Variants in RBFOX1 observed in about 807,000 individuals in gnomAD.
RBFOX1 encodes RNA binding fox-1 homolog 1, also known as RNA binding protein fox-1 homolog 1.
In RBFOX1, 8 loss-of-function variants were observed where a neutral mutation model predicts 57.7. The ratio of observed to expected loss-of-function variants is 0.14; its 90% CI spans 0.08 to 0.25. The LOEUF (loss-of-function observed/expected upper bound fraction) is 0.25. Ranked by LOEUF, RBFOX1 falls within the 10% of genes least tolerant of loss-of-function variation. The probability of loss-of-function intolerance (pLI) is 1.00; values close to 1 mark genes in which losing one functional copy is unlikely to be tolerated. For synonymous variants in RBFOX1, 326 were observed against 222.4 expected (o/e 1.47, Z -4.15); for missense variants, 611 against 548.5 (o/e 1.11, Z -1.14).
chr16:7,488,453 A>T (rs1206926276), intron 4 of RBFOX1, among the ~76,000 whole-genome samples: 7 of 151,664 alleles, frequency 4.6e-5, no homozygotes, highest in Non-Finnish European at 1.0e-4. Flanking sequence ...TTGTTTGTCT[A>T]TCATTCTATC....
intron 4 of RBFOX1, among the ~76,000 whole-genome samples, chr16:7,114,326 G>C (rs2065421480): frequency 6.6e-6 from 1 of 152,154 alleles, no homozygotes; most frequent in African/African-American, 2.4e-5. Context: ...TACCTGGGTA[G>C]CTGCCATTTT....
intron 12 of RBFOX1, among the ~76,000 whole-genome samples, chr16:7,658,202 C>T (rs1050359449): frequency 1.3e-5 from 2 of 152,120 alleles, no homozygotes; most frequent in African/African-American, 4.8e-5. Flanking sequence ...TTCTCAACAT[C>T]CCCCTTTTGC....
At chr16:5,914,395 T>C (rs2058665277) in intron 4 of RBFOX1, among the ~76,000 whole-genome samples, 1 of 152,212 alleles carries the variant, frequency 6.6e-6, no homozygotes, top group Non-Finnish European at 1.5e-5. Flanking sequence ...CAGCCAGGGC[T>C]GCAGTCTCAT....
At chr16:6,472,561 A>G (rs1235204175) in intron 2 of RBFOX1, among the ~76,000 whole-genome samples, 3 of 151,764 alleles carry the variant, frequency 2.0e-5, no homozygotes, top group Non-Finnish European at 2.9e-5. Flanking sequence ...GTGAGTCATC[A>G]TCTCTCTGAT....
chr16:7,065,024 A>T (rs550670922), intron 4 of RBFOX1, among the ~76,000 whole-genome samples: 16 of 152,222 alleles, frequency 1.1e-4, no homozygotes, highest in African/African-American at 3.6e-4. Context: ...GCAATCCTCT[A>T]TTGTTCGATA....
In RBFOX1 at chr16:6,139,999, A is replaced by T. The variant is rs575549917; in HGVS notation, c.-127+120007A>T. Among the ~76,000 whole-genome samples the T allele has an allele frequency of 2.0e-4, 30 of 152,304 alleles. 1 individual carries two copies. The highest frequency in any genetic ancestry group is 1.8e-3 in the Admixed American group (27 of 15,298). ...CTCTCAAGATTCAGCTGGAAAAAAT[A>T]CGGAATATTGTGTTAATTTGTCTTA... On this transcript the variant is annotated intron_variant, in intron 1 of 15. Transcript: ENST00000550418.
chr16:5,300,746 G>T (rs756511182), intron 1 of RBFOX1, among the ~76,000 whole-genome samples: 16 of 152,106 alleles, frequency 1.1e-4, no homozygotes, highest in Admixed American at 1.0e-3. Flanking sequence ...GTGGTACTTT[G>T]TTCCTTTCAT....
intron 3 of RBFOX1, among the ~76,000 whole-genome samples, chr16:6,818,665 T>G (rs2090651667): frequency 6.6e-6 from 1 of 152,208 alleles, no homozygotes; most frequent in Admixed American, 6.5e-5. Context: ...TCCCCCCTTC[T>G]TCTGGTAAAG....
chr16:5,801,284 A>G (rs2055046225), intron 3 of RBFOX1, among the ~76,000 whole-genome samples: 1 of 151,934 alleles, frequency 6.6e-6, no homozygotes, highest in East Asian at 1.9e-4. Flanking sequence ...TACATTAAGC[A>G]CTTTCAAATT....
chr16:5,377,110 T>C (rs2066005616), intron 1 of RBFOX1, among the ~76,000 whole-genome samples: 1 of 151,634 alleles, frequency 6.6e-6, no homozygotes, highest in Admixed American at 6.5e-5. Context: ...AGTCATTGGC[T>C]TAGTCATGCA....
intron 6 of RBFOX1, among the ~76,000 whole-genome samples, chr16:7,584,892 A>G (rs549669064): frequency 5.1e-4 from 77 of 152,292 alleles, no homozygotes; most frequent in African/African-American, 1.8e-3. Context: ...CTGCCACAGA[A>G]GCAAACTTTG....
intron 14 of RBFOX1, among the ~76,000 whole-genome samples, chr16:7,694,116 A>G (rs111405632): frequency 5.4e-4 from 83 of 152,308 alleles, no homozygotes; most frequent in African/African-American, 1.9e-3. Context: ...CCTTAACACT[A>G]GATTTCCTTC....
chr16:6,786,820 T>C (rs2154243200), intron 3 of RBFOX1, among the ~76,000 whole-genome samples: 1 of 152,168 alleles, frequency 6.6e-6, no homozygotes, highest in South Asian at 2.1e-4. Context: ...TGGTCACAAT[T>C]GACTAAAAGG....
In RBFOX1 at chr16:7,619,249, G is replaced by A. The variant is rs115293560; in HGVS notation, c.677-11354G>A. On this transcript the variant is annotated intron_variant, in intron 10 of 15. Transcript: ENST00000550418. ...AAAAAACTATTTGTATGATTCTAGT[G>A]TTTGGTTGATGTGCATGTGATATTG... 1.5e-3 allele frequency among the ~76,000 whole-genome samples: 227 copies of A among 152,130 alleles called. 1 individual carries two copies. The highest frequency in any genetic ancestry group is 5.1e-3 in the African/African-American group (211 of 41,494).
intron 1 of RBFOX1, among the ~76,000 whole-genome samples, chr16:5,422,727 A>G (rs1596993610): frequency 2.8e-5 from 3 of 106,642 alleles, no homozygotes; most frequent in African/African-American, 3.7e-5. Flanking sequence ...GAGGAGGGAG[A>G]GGGAGCAGGG....
At chr16:6,765,319 C>G (rs909765386) in intron 3 of RBFOX1, among the ~76,000 whole-genome samples, 2 of 152,130 alleles carry the variant, frequency 1.3e-5, no homozygotes, top group African/African-American at 4.8e-5. Context: ...TCAACAAAAT[C>G]CATTCTGTCT....
chr16:6,184,472 G>T (rs1165177070), intron 1 of RBFOX1, among the ~76,000 whole-genome samples: 1 of 152,162 alleles, frequency 6.6e-6, no homozygotes, highest in African/African-American at 2.4e-5. Flanking sequence ...TATTTCCAAA[G>T]CAAAGACTAT....
intron 3 of RBFOX1, among the ~76,000 whole-genome samples, chr16:6,736,682 G>A (rs144805341): frequency 5.3e-5 from 8 of 152,250 alleles, no homozygotes; most frequent in African/African-American, 1.9e-4. Flanking sequence ...CCCAGTAGTG[G>A]GATTGCTGGA....
At chr16:6,448,384 C>T (rs919289014) in intron 2 of RBFOX1, among the ~76,000 whole-genome samples, 8 of 152,080 alleles carry the variant, frequency 5.3e-5, no homozygotes, top group South Asian at 2.1e-4. Flanking sequence ...GTCTTGAACT[C>T]GTGACCTTGT....
Sources: allele counts gnomAD v4.1 joint callset (sites outside exome capture counted in the v4.1 genomes callset), GRCh38; gene constraint gnomAD v4.1.1; transcripts MANE v1.5; gene names NCBI Gene and HGNC (gene_info 2026-07-23, HGNC 2026-07-21).